Variants in ADGRV1 observed in about 807,000 individuals in gnomAD.
ADGRV1 encodes the protein G-protein coupled receptor 98.
Under a neutral mutation model 596.2 loss-of-function variants are expected in ADGRV1, and 359 were observed. That is an observed-to-expected ratio of 0.60 (90% CI 0.55 to 0.66). ADGRV1 has a LOEUF of 0.66. ADGRV1 is among the 30% of genes least tolerant of loss of function. The probability of loss-of-function intolerance (pLI) is 0.00; values close to 1 mark genes in which losing one functional copy is unlikely to be tolerated. For missense variants in ADGRV1, 7,274 were observed against 7,575.6 expected (o/e 0.96, Z 1.48); for synonymous variants, 2,681 against 2,679.2 (o/e 1.00, Z -0.02).
At chr5:90,584,252 C>T (rs577896489) in intron 1 of ADGRV1, among the ~76,000 whole-genome samples, 4 of 152,252 alleles carry the variant, frequency 2.6e-5, no homozygotes, top group East Asian at 1.9e-4. Context: ...ATTAATGATT[C>T]GGGTGCCTAA....
intron 52 of ADGRV1, 26 bp from the exon 53 acceptor site, chr5:90,750,524 CT>C: frequency 4.4e-6 from 7 of 1,578,080 alleles, no homozygotes; most frequent in Non-Finnish European, 6.0e-6. Flanking sequence ...CAGGGAACCC[CT>C]TGTGACTTTC....
At chr5:90,816,282 A>G (rs1762882779) in intron 75 of ADGRV1, among the ~76,000 whole-genome samples, 2 of 152,040 alleles carry the variant, frequency 1.3e-5, no homozygotes, top group Admixed American at 6.6e-5. Context: ...GAAATGAGGA[A>G]CATTTACTTG....
intron 1 of ADGRV1, among the ~76,000 whole-genome samples, chr5:90,592,570 G>A (rs1271453276): frequency 6.6e-6 from 1 of 152,164 alleles, no homozygotes; most frequent in Non-Finnish European, 1.5e-5. Context: ...TGAAGTCTTT[G>A]CCCATGCCTG....
intron 86 of ADGRV1, among the ~76,000 whole-genome samples, chr5:91,097,354 A>G (rs1283848428): frequency 1.3e-5 from 2 of 152,246 alleles, no homozygotes; most frequent in Admixed American, 6.5e-5. Flanking sequence ...CCAACCTTCT[A>G]ATTTTATCAT....
chr5:91,045,707 C>G (rs1785744654), intron 85 of ADGRV1, among the ~76,000 whole-genome samples: 1 of 152,044 alleles, frequency 6.6e-6, no homozygotes, highest in Admixed American at 6.6e-5. Context: ...TAAGGGCATC[C>G]AAATCAGTAA....
chr5:90,956,137 G>T (rs2150927550), intron 83 of ADGRV1, among the ~76,000 whole-genome samples: 1 of 152,220 alleles, frequency 6.6e-6, no homozygotes, highest in South Asian at 2.1e-4. Context: ...CCATAAGAAA[G>T]TTGAATCAAA....
At chr5:90,726,049 A>C (rs1751731770) in intron 48 of ADGRV1, among the ~76,000 whole-genome samples, 2 of 152,210 alleles carry the variant, frequency 1.3e-5, no homozygotes. Flanking sequence ...TAATTCTAGT[A>C]ATGCTTATTT....
intron 87 of ADGRV1, among the ~76,000 whole-genome samples, chr5:91,132,323 T>G (rs551036206): frequency 3.0e-4 from 45 of 152,354 alleles, no homozygotes; most frequent in African/African-American, 1.1e-3. Context: ...AATTTGATTT[T>G]TATTGTTATC....
intron 21 of ADGRV1, among the ~76,000 whole-genome samples, chr5:90,663,892 T>C (rs1276578012): frequency 5.3e-5 from 8 of 151,916 alleles, no homozygotes; most frequent in Non-Finnish European, 8.8e-5. Flanking sequence ...TTGCTTGTTT[T>C]TCTCAAGTTT....
At chr5:91,018,800 G>T (rs957947921) in intron 85 of ADGRV1, among the ~76,000 whole-genome samples, 1 of 151,956 alleles carries the variant, frequency 6.6e-6, no homozygotes, top group African/African-American at 2.4e-5. Context: ...AGTGTAAACT[G>T]CCATGGCTTA....
At chr5:91,028,444 A>G (rs775330765) in intron 85 of ADGRV1, among the ~76,000 whole-genome samples, 3 of 152,102 alleles carry the variant, frequency 2.0e-5, no homozygotes, top group Non-Finnish European at 4.4e-5. Flanking sequence ...GCCGACTTTG[A>G]TATCCTTAAA....
chr5:90,948,021 C>T (rs1271182199), intron 83 of ADGRV1, among the ~76,000 whole-genome samples: 2 of 152,074 alleles, frequency 1.3e-5, no homozygotes, highest in Non-Finnish European at 2.9e-5. Flanking sequence ...ATATCCTTTC[C>T]TTACAAAGGT....
At chr5:91,133,012 A>G (rs1794336867) in intron 87 of ADGRV1, among the ~76,000 whole-genome samples, 1 of 152,178 alleles carries the variant, frequency 6.6e-6, no homozygotes, top group South Asian at 2.1e-4. Flanking sequence ...TGCATCTTCT[A>G]TTATGGAGAA....
rs934877860 is a variant in ADGRV1 at position 91,130,236 on chromosome 5, A to AG, written c.18433-19794_18433-19793insG. Among the ~76,000 whole-genome samples the AG allele has an allele frequency of 8.7e-4, 13 of 14,906 alleles. No homozygotes were observed. In the Admixed American group the frequency reaches 0.025, roughly 29 times the overall value. 9.8% of individuals were successfully genotyped at this position (14,906 alleles called of 152,430 possible). On this transcript the variant is annotated intron_variant, in intron 87 of 89. Transcript: ENST00000405460. ...GAGAAACTGGTATATTTCTAAATTG[A>AG]AAAAAAAAAAAGAGGCCAGGCACGG...
At chr5:90,909,408 C>T (rs755279014) in intron 83 of ADGRV1, among the ~76,000 whole-genome samples, 5 of 152,018 alleles carry the variant, frequency 3.3e-5, no homozygotes, top group East Asian at 1.9e-4. Context: ...TATGTTGTAA[C>T]GTTTGCCTGG....
At chr5:90,574,116 G>A (rs541089646) in intron 1 of ADGRV1, among the ~76,000 whole-genome samples, 24 of 151,874 alleles carry the variant, frequency 1.6e-4, no homozygotes, top group African/African-American at 5.3e-4. Flanking sequence ...TTTATGCTTG[G>A]GATTGCTTTG....
At chr5:90,795,748 C>A (rs1262503727) in intron 70 of ADGRV1, among the ~76,000 whole-genome samples, 1 of 152,176 alleles carries the variant, frequency 6.6e-6, no homozygotes, top group African/African-American at 2.4e-5. Context: ...TACAGGAGAG[C>A]TCTGGCTGGC....
At chr5:90,585,548 G>A (rs968055789) in intron 1 of ADGRV1, among the ~76,000 whole-genome samples, 3 of 152,212 alleles carry the variant, frequency 2.0e-5, no homozygotes, top group Non-Finnish European at 2.9e-5. Context: ...CCCAGGGCTG[G>A]CTGTGAAACC....
intron 87 of ADGRV1, among the ~76,000 whole-genome samples, chr5:91,142,777 T>C (rs1795202318): frequency 6.6e-6 from 1 of 152,248 alleles, no homozygotes; most frequent in Non-Finnish European, 1.5e-5. Flanking sequence ...TGTGTCTCAC[T>C]GAATGTTTGC....
Sources: allele counts gnomAD v4.1 joint callset (sites outside exome capture counted in the v4.1 genomes callset), GRCh38; gene constraint gnomAD v4.1.1; transcripts MANE v1.5; gene names NCBI Gene and HGNC (gene_info 2026-07-23, HGNC 2026-07-21).